PTH1R: variants seen among roughly 807,000 people sequenced by gnomAD.
PTH1R encodes parathyroid hormone 1 receptor.
Under a neutral mutation model 70.7 loss-of-function variants are expected in PTH1R, and 32 were observed. The ratio of observed to expected loss-of-function variants is 0.45; its 90% CI spans 0.34 to 0.61. The LOEUF (loss-of-function observed/expected upper bound fraction) is 0.61, where lower values mean the gene tolerates loss of function less well. Ranked by LOEUF, PTH1R falls within the 20% of genes least tolerant of loss-of-function variation. The pLI, the probability that PTH1R is intolerant of heterozygous loss-of-function variation, is 0.01. For missense variants in PTH1R, 626 were observed against 792.5 expected (o/e 0.79, Z 2.52); for synonymous variants, 329 against 324.8 (o/e 1.01, Z -0.14).
chr3:46,898,603 C>G, intron 8 of PTH1R, 59 bp from the exon 9 acceptor site: 1 of 1,605,630 alleles, frequency 6.2e-7, no homozygotes, highest in Non-Finnish European at 8.5e-7. Context: ...ACCCAGCTTC[C>G]TGTCCACCCA....
At position 46,902,247 on chromosome 3, in the gene PTH1R, G is replaced by A. The variant is rs780847622; in HGVS notation, c.1212-279G>A. ...GATAGTGAGGTTCGACCGTGGAGGG[G>A]AGTGCTTGCCAGCTGAGGGCTCCAC... On this transcript the variant is annotated intron_variant, in intron 13 of 15. Transcript: ENST00000449590. The surrounding 1 kb of genome is among the most constrained non-coding windows in gnomAD (Gnocchi z 5.4). Among the ~76,000 whole-genome samples the A allele has an allele frequency of 6.6e-6, 1 of 152,220 alleles. No individual in the cohort carries two copies. The highest frequency in any genetic ancestry group is 1.5e-5 in the Non-Finnish European group (1 of 68,036).
At chr3:46,898,318 T>C in intron 7 of PTH1R, 60 bp from the exon 8 acceptor site, 3 of 1,590,884 alleles carry the variant, frequency 1.9e-6, no homozygotes, top group Admixed American at 3.3e-5. Flanking sequence ...CTCTTGCTCT[T>C]ACCCTGATGC....
intron 3 of PTH1R, among the ~76,000 whole-genome samples, chr3:46,889,988 A>T (rs4683301): frequency 0.49 from 75,004 of 151,980 alleles, 20,180 homozygotes; most frequent in Non-Finnish European, 0.6. Flanking sequence ...CTGAGAAGAG[A>T]TACAGCTGTC....
Position 46,883,568 on chromosome 3 carries a change from C to A in PTH1R, c.9C>A (p.Thr3=), listed in dbSNP as rs1228518305. MG[T]ARIAPGLALL... ...GGCCCTAGGCGGTGGCGATGGGGACCGCCCGGATCGCACCCGGCCTGGCGC... is the reference window on the plus strand; with the variant it reads ...GGCCCTAGGCGGTGGCGATGGGGACAGCCCGGATCGCACCCGGCCTGGCGC... The change falls in exon 3 of 16, where the codon ACC becomes ACA. Residue 3 remains threonine (T), a synonymous_variant. Transcript: ENST00000449590. The surrounding 1 kb of genome is among the most constrained non-coding windows in gnomAD (Gnocchi z 6.4). The A allele has an allele frequency of 6.5e-7, 1 of 1,537,240 alleles. No individual in the cohort carries two copies.
rs571011973 is a variant in PTH1R, at chr3:46,893,958, C to G, written c.127C>G (p.Arg43Gly). 4 of 1,614,164 alleles carry G rather than the reference C, an allele frequency of 2.5e-6. No individual in the cohort carries two copies. The highest frequency in any genetic ancestry group is 3.4e-6 in the Non-Finnish European group (4 of 1,180,036). The change falls in exon 4 of 16, where the codon CGT becomes GGT. Residue 43 changes from arginine (R) to glycine (G), a missense_variant. Physicochemically the swap from Arg to Gly is moderately radical, Grantham distance 125. Around this residue, in one of 3 missense-constraint regions of PTH1R, gnomAD observed 123 missense variants for 125.7 expected, o/e 0.98. Transcript: ENST00000449590. The surrounding 1 kb of genome is among the most constrained non-coding windows in gnomAD (Gnocchi z 5.2). ...TKEEQIFLLH[R>G]AQAQCEKRLK... is the part of the protein sequence containing the mutation. ...AGAGGAACAGATCTTCCTGCTGCAC[C>G]GTGCTCAGGCCCAGTGCGAAAAACG...
Position 46,903,569 on chromosome 3 carries a change from C to T in PTH1R, c.1695C>T (p.Asn565=), listed in dbSNP as rs771579145. The change falls in exon 16 of 16, where the codon AAC becomes AAT. Residue 565 remains asparagine, a synonymous_variant. Coordinates refer to ENST00000449590, the MANE Select transcript of PTH1R (RefSeq NM_000316.3). The surrounding 1 kb of genome is among the most constrained non-coding windows in gnomAD (Gnocchi z 4.4). ...MAAPKDDGFL[N]GSCSGLDEEA... is the part of the protein sequence containing the mutation. ...CTCCCAAGGACGATGGGTTCCTCAA[C>T]GGCTCCTGCTCAGGCCTGGACGAGG... The T allele has an allele frequency of 1.4e-5, 22 of 1,613,730 alleles. No individual in the cohort carries two copies. Among genetic ancestry groups the T allele is most frequent in the African/African-American group, 1.3e-5 (1 of 74,906 alleles).
At position 46,896,347 on chromosome 3, in the gene PTH1R, T is replaced by C. The variant is rs954582086; in HGVS notation, c.313+478T>C. On this transcript the variant is annotated intron_variant, in intron 5 of 15. Transcript: ENST00000449590. The surrounding 1 kb of genome is among the most constrained non-coding windows in gnomAD (Gnocchi z 4.1). ...AGAGGAGGTACATGGGGACACATAG[T>C]GGATAGGGCCACAGAAATAGAGAAG... Among the ~76,000 whole-genome samples the C allele has an allele frequency of 1.3e-5, 2 of 150,968 alleles. No individual in the cohort carries two copies. The highest frequency in any genetic ancestry group is 3.0e-5 in the Non-Finnish European group (2 of 67,764).
chr3:46,901,638 G>A lies in PTH1R; in HGVS notation c.1117-128G>A. 7.3e-7 allele frequency: 1 copy of A among 1,365,042 alleles called. No homozygotes were observed. 84.6% of individuals were successfully genotyped at this position (1,365,042 alleles called of 1,614,324 possible). ...GCTGATCCACACTCCAGCCCAGAAA[G>A]GAAAACCAAGGGCTCAAGGAGCCAC... On this transcript the variant is annotated intron_variant, in intron 12 of 15. Transcript: ENST00000449590. This position sits in a 1 kb window ranked among gnomAD's most constrained non-coding sequence, Gnocchi z 7.3.
In PTH1R at chr3:46,883,369, G is replaced by GCTCT. The variant is rs2030781473; in HGVS notation, c.-48-140_-48-139insTCTC. 2 of 154,848 alleles carry GCTCT rather than the reference G, an allele frequency of 1.3e-5. No homozygotes were observed. The highest frequency in any genetic ancestry group is 3.6e-4 in the East Asian group (2 of 5,482). The allele number at this position is 154,848 out of a possible 1,614,324, so 9.6% of individuals were successfully genotyped here. A position where few individuals can be genotyped will look rare whatever the true frequency, so the allele number is the denominator to read the frequency against. ...CCTCCCTCCTTTGCGCTGCTCGCTC[G>GCTCT]CTCGCTCGCTCGCTCGCCCTCAGCG... On this transcript the variant is annotated intron_variant, in intron 2 of 15. Coordinates refer to ENST00000449590, the MANE Select transcript of PTH1R (RefSeq NM_000316.3). This position sits in a 1 kb window ranked among gnomAD's most constrained non-coding sequence, Gnocchi z 6.4.
intron 2 of PTH1R, among the ~76,000 whole-genome samples, chr3:46,881,415 G>A (rs1306320477): frequency 6.6e-6 from 1 of 152,168 alleles, no homozygotes; most frequent in Non-Finnish European, 1.5e-5. Flanking sequence ...GGCCCGGTCC[G>A]AGCCGGCCGA....
chr3:46,887,976 C>T (rs2031147480), intron 3 of PTH1R, among the ~76,000 whole-genome samples: 1 of 152,166 alleles, frequency 6.6e-6, no homozygotes, highest in Non-Finnish European at 1.5e-5. Flanking sequence ...TAGATTTTGT[C>T]ATTGCTGGGC....
intron 4 of PTH1R, 53 bp downstream of exon 4, chr3:46,894,062 A>G (rs1199094070): frequency 4.5e-6 from 7 of 1,566,958 alleles, no homozygotes; most frequent in Non-Finnish European, 5.3e-6. Flanking sequence ...GGGAGGGGCC[A>G]GTCAAGGGCG....
At chr3:46,890,929 C>T (rs1256531136) in intron 3 of PTH1R, among the ~76,000 whole-genome samples, 2 of 152,108 alleles carry the variant, frequency 1.3e-5, no homozygotes, top group Non-Finnish European at 2.9e-5. Context: ...GGCAGAATCT[C>T]CTTGAAGAGG....
At position 46,902,252 on chromosome 3, in the gene PTH1R, C is replaced by G. The variant is rs2032170643; in HGVS notation, c.1212-274C>G. 6.6e-6 allele frequency among the ~76,000 whole-genome samples: 1 copy of G among 152,164 alleles called. No homozygotes were observed. The highest frequency in any genetic ancestry group is 1.5e-5 in the Non-Finnish European group (1 of 68,010). On this transcript the variant is annotated intron_variant, in intron 13 of 15. Transcript: ENST00000449590. This position sits in a 1 kb window ranked among gnomAD's most constrained non-coding sequence, Gnocchi z 5.4. Reference sequence around the variant, plus strand: ...TGAGGTTCGACCGTGGAGGGGAGTGCTTGCCAGCTGAGGGCTCCACAGGTG... The same window carrying G: ...TGAGGTTCGACCGTGGAGGGGAGTGGTTGCCAGCTGAGGGCTCCACAGGTG...
intron 3 of PTH1R, among the ~76,000 whole-genome samples, chr3:46,890,247 C>T (rs2031323487): frequency 1.3e-5 from 2 of 152,128 alleles, no homozygotes; most frequent in Non-Finnish European, 2.9e-5. Flanking sequence ...CCTGGGGCCC[C>T]ATCTCCCATC....
chr3:46,889,968 G>A (rs1227131308), intron 3 of PTH1R, among the ~76,000 whole-genome samples: 1 of 152,158 alleles, frequency 6.6e-6, no homozygotes, highest in Non-Finnish European at 1.5e-5. Flanking sequence ...CAGACAGGGG[G>A]CATGCCAGGC....
At chr3:46,900,271 G>A (rs950962962) in intron 10 of PTH1R, among the ~76,000 whole-genome samples, 7 of 152,180 alleles carry the variant, frequency 4.6e-5, no homozygotes, top group Non-Finnish European at 8.8e-5. Context: ...ACAGATGCAG[G>A]CTCTGGGGCT....
In PTH1R at chr3:46,882,424, G is replaced by A. The variant is rs1575506508; in HGVS notation, c.-48-1088G>A. On this transcript the variant is annotated intron_variant, in intron 2 of 15. Coordinates refer to ENST00000449590, the MANE Select transcript of PTH1R (RefSeq NM_000316.3). This position sits in a 1 kb window ranked among gnomAD's most constrained non-coding sequence, Gnocchi z 4.3. ...TTGGGGAGGCTGTCGGGGGGGCCCC[G>A]ACATCCATGGCAAGGCGGGGGCCGC... is the stretch of plus-strand genomic sequence containing the variant. 6.6e-6 allele frequency: 1 copy of A among 151,244 alleles called. No individual in the cohort carries two copies. The highest frequency in any genetic ancestry group is 1.5e-5 in the Non-Finnish European group (1 of 67,686). 9.4% of individuals were successfully genotyped at this position (151,244 alleles called of 1,614,324 possible). A position where few individuals can be genotyped will look rare whatever the true frequency, so the allele number is the denominator to read the frequency against.
rs201016660 is a variant in PTH1R at position 46,898,794 on chromosome 3, C to G, written c.771C>G (p.Thr257=). 1 of 1,596,054 alleles carries G rather than the reference C, an allele frequency of 6.3e-7. No homozygotes were observed. The highest frequency in any genetic ancestry group is 2.3e-5 in the East Asian group (1 of 44,302). ...CGCTTGATGAGGCTGAGCGCCTCAC[C>G]GAGGAGGAGCTGCGCGCCATCGCCC... The part of the protein sequence containing the change: ...GATLDEAERL[T]EEELRAIAQA... Residue 257 remains threonine (T), a synonymous_variant, in exon 9 of 16, where the codon ACC becomes ACG. Coordinates refer to ENST00000449590, the MANE Select transcript of PTH1R (RefSeq NM_000316.3).
Sources: gnomAD v4.1 joint callset for allele counts (sites outside exome capture counted in the v4.1 genomes callset) on GRCh38, gnomAD v4.1.1 for gene constraint, gnomAD v4.1.1 regional missense constraint, Gnocchi (gnomAD v3.1) non-coding constraint, MANE v1.5 for transcripts, NCBI Gene and HGNC (gene_info 2026-07-23, HGNC 2026-07-21) for gene names.